TBC1D2B: variants seen among roughly 807,000 people sequenced by gnomAD.
TBC1D2B encodes TBC1 domain family member 2B.
TBC1D2B carries 64 observed loss-of-function variants against 100.8 expected under a neutral mutation model. The ratio of observed to expected loss-of-function variants is 0.64; its 90% CI spans 0.52 to 0.78. The LOEUF (loss-of-function observed/expected upper bound fraction) is 0.78, where lower values mean the gene tolerates loss of function less well. Among genes scored for constraint, TBC1D2B ranks in the 30% least tolerant of loss-of-function variants. The pLI is 0.00. For synonymous variants in TBC1D2B, 480 were observed against 479.7 expected, an observed-to-expected ratio of 1.00 and a Z score of -0.01; for missense variants, 1,052 against 1,218.4, an observed-to-expected ratio of 0.86 and a Z score of 2.03.
At chr15:78,029,688 G>A (rs1265742256) in intron 4 of TBC1D2B, among the ~76,000 whole-genome samples, 1 of 152,174 alleles carries the variant, frequency 6.6e-6, no homozygotes, top group Non-Finnish European at 1.5e-5. Context: ...CAGAATTCAT[G>A]AGACTATATT....
intron 3 of TBC1D2B, among the ~76,000 whole-genome samples, chr15:78,042,548 T>C (rs926649538): frequency 4.6e-5 from 7 of 152,134 alleles, no homozygotes; most frequent in Admixed American, 2.6e-4. Flanking sequence ...GCCCAATACT[T>C]TGAAACAGAG....
chr15:78,000,933 C>T (rs2071896264), intron 12 of TBC1D2B, among the ~76,000 whole-genome samples: 1 of 152,244 alleles, frequency 6.6e-6, no homozygotes, highest in Non-Finnish European at 1.5e-5. Flanking sequence ...TAACAGCCAC[C>T]AGTCCTGCCC....
At chr15:78,036,250 T>A (rs2072943392) in intron 3 of TBC1D2B, among the ~76,000 whole-genome samples, 1 of 152,222 alleles carries the variant, frequency 6.6e-6, no homozygotes, top group Admixed American at 6.5e-5. Context: ...TTTCTTTTTA[T>A]ACGCATGCAC....
chr15:77,998,562 C>T (rs1221088884), intron 12 of TBC1D2B: 1 of 526,404 alleles, frequency 1.9e-6, no homozygotes, highest in African/African-American at 1.9e-5. Flanking sequence ...AGAATGACGA[C>T]CTGGACTCCA....
At chr15:78,034,202 A>G (rs1262740146) in intron 3 of TBC1D2B, among the ~76,000 whole-genome samples, 1 of 152,254 alleles carries the variant, frequency 6.6e-6, no homozygotes, top group African/African-American at 2.4e-5. Flanking sequence ...AAGATACTGT[A>G]TAAAGTCTGA....
intron 4 of TBC1D2B, 47 bp downstream of exon 4, chr15:78,029,960 C>A: frequency 6.6e-7 from 1 of 1,503,822 alleles, no homozygotes; most frequent in African/African-American, 1.4e-5. Flanking sequence ...TGGTGGTTAA[C>A]AGATGGCAGT....
At chr15:78,002,810 C>T (rs1430877799) in intron 11 of TBC1D2B, 1 of 155,412 alleles carries the variant, frequency 6.4e-6, no homozygotes, top group Non-Finnish European at 1.4e-5. Context: ...ATTACAAACA[C>T]CTGTTTATAC....
Position 78,009,106 on chromosome 15 carries a change from G to A in TBC1D2B, c.2279C>T (p.Ala760Val). Residue 760 changes from alanine (A) to valine (V), a missense_variant, in exon 10 of 13, where the codon GCA (alanine) becomes GTA (valine). By Grantham distance (64) the Ala-to-Val change is moderately conservative. This residue lies in a region of TBC1D2B where 373 missense variants were observed against 464.9 expected (regional missense o/e 0.80). Coordinates refer to ENST00000300584, the MANE Select transcript of TBC1D2B (RefSeq NM_144572.2). ...GYCQGLNRLV[A>V]VALLYLEQED... is the part of the protein sequence containing the mutation. Reference sequence around the variant, plus strand: ...TTGTTCCAGGTACAGGAGGGCCACTGCCACCAACCTACAAGCAAAGGGAGG... The same window carrying A: ...TTGTTCCAGGTACAGGAGGGCCACTACCACCAACCTACAAGCAAAGGGAGG... 6.3e-7 allele frequency: 1 copy of A among 1,597,924 alleles called. No individual in the cohort carries two copies. Among genetic ancestry groups the A allele is most frequent in the Non-Finnish European group, 8.5e-7 (1 of 1,171,500 alleles).
At chr15:78,025,207 C>G (rs988548534) in intron 5 of TBC1D2B, 52 bp downstream of exon 5, 1 of 1,518,382 alleles carries the variant, frequency 6.6e-7, no homozygotes. Flanking sequence ...TTACTCCTCC[C>G]GTCCTTGGCC....
At chr15:78,077,147 G>C in intron 1 of TBC1D2B, 146 bp downstream of exon 1, 2 of 1,124,910 alleles carry the variant, frequency 1.8e-6, no homozygotes, top group Non-Finnish European at 2.4e-6. Flanking sequence ...GAACGAGGGC[G>C]GGATGTGGAG....
In TBC1D2B at chr15:78,048,576, G is replaced by A. The variant is rs1401601514; in HGVS notation, c.515-3508C>T. ...CTGTCTTTTTTAAACATTTTCAAATGCCTAAATGAAAACTCTGAGGGAGTT... is the reference window on the plus strand; with the variant it reads ...CTGTCTTTTTTAAACATTTTCAAATACCTAAATGAAAACTCTGAGGGAGTT... On this transcript the variant is annotated intron_variant, in intron 2 of 12. Transcript: ENST00000300584. Among the ~76,000 whole-genome samples the A allele has an allele frequency of 2.6e-5, 4 of 152,200 alleles. No individual in the cohort carries two copies. The East Asian group carries it at 5.8e-4, about 22-fold the overall frequency.
chr15:78,054,058 C>G lies in TBC1D2B; in HGVS notation c.490G>C (p.Gly164Arg), dbSNP rs962601896. The G allele has an allele frequency of 3.7e-6, 6 of 1,613,448 alleles. No individual in the cohort carries two copies. The African/African-American group carries it at 6.7e-5, about 18-fold the overall frequency. Reference protein sequence around the residue: ...TSPTPGDFPKGLVARDNTDLI... With the variant: ...TSPTPGDFPKRLVARDNTDLI... The stretch of plus-strand genomic sequence containing the variant: ...CCAGTGTTATCTCTGGCTACAAGAC[C>G]CTTAGGAAAATCCCCGGGAGTTGGA... Residue 164 changes from glycine to arginine, a missense_variant, in exon 2 of 13, where the codon GGT becomes CGT. Physicochemically the swap from Gly to Arg is moderately radical, Grantham distance 125 (BLOSUM62 -2). This residue lies in a region of TBC1D2B where 627 missense variants were observed against 646.1 expected (regional missense o/e 0.97). Coordinates refer to ENST00000300584, the MANE Select transcript of TBC1D2B (RefSeq NM_144572.2).
intron 8 of TBC1D2B, among the ~76,000 whole-genome samples, chr15:78,016,147 C>T (rs142340186): frequency 1.3e-5 from 2 of 152,054 alleles, no homozygotes; most frequent in Non-Finnish European, 2.9e-5. Context: ...AGTGCTTTCC[C>T]CAAAAATATA....
chr15:78,001,899 CT>C lies in TBC1D2B; in HGVS notation c.2575-160del. 5.4e-6 allele frequency: 4 copies of C among 737,438 alleles called. No homozygotes were observed. The South Asian group carries it at 8.6e-5, about 16-fold the overall frequency. 45.7% of individuals were successfully genotyped at this position (737,438 alleles called of 1,614,324 possible). A position where few individuals can be genotyped will look rare whatever the true frequency, so the allele number is the denominator to read the frequency against. Reference sequence around the variant, plus strand: ...CTATTGACCTGAGGGGCAATTTTCACTGGCTAGGCCAAGACTCCTTTATTAC... The same window carrying C: ...CTATTGACCTGAGGGGCAATTTTCACGGCTAGGCCAAGACTCCTTTATTAC... On this transcript the variant is annotated intron_variant, in intron 11 of 12. Transcript: ENST00000300584.
intron 1 of TBC1D2B, among the ~76,000 whole-genome samples, chr15:78,066,992 C>T (rs2073668728): frequency 6.6e-6 from 1 of 152,184 alleles, no homozygotes; most frequent in Non-Finnish European, 1.5e-5. Context: ...TGCCCCAACA[C>T]AAAATGGTTA....
intron 3 of TBC1D2B, chr15:78,034,845 T>A: frequency 1.9e-6 from 1 of 528,562 alleles, no homozygotes; most frequent in Non-Finnish European, 2.4e-6. Context: ...AACCCAATTC[T>A]AGGACTGTGC....
intron 3 of TBC1D2B, among the ~76,000 whole-genome samples, chr15:78,040,849 A>AG: frequency 7.4e-6 from 1 of 135,640 alleles, no homozygotes; most frequent in African/African-American, 2.9e-5. Context: ...AAAGAAAGAA[A>AG]GAAAGGAAGA....
chr15:78,016,551 A>G lies in TBC1D2B; in HGVS notation c.1770T>C (p.Leu590=), dbSNP rs777518243. Reference sequence around the variant, plus strand: ...ACAGTCACTAGCACATTTACCTGACAAGATGAGGTTTAACAAATGCTTGCT... The same window carrying G: ...ACAGTCACTAGCACATTTACCTGACGAGATGAGGTTTAACAAATGCTTGCT... ...QPEQAFVKPH[L]VSEYDIYGFR... Residue 590 remains leucine (L), a synonymous_variant, in exon 8 of 13, where the codon CTT becomes CTC. Transcript: ENST00000300584. 77 of 1,612,002 alleles carry G rather than the reference A, an allele frequency of 4.8e-5. No homozygotes were observed. The highest frequency in any genetic ancestry group is 6.4e-5 in the Non-Finnish European group (76 of 1,179,566).
Position 78,022,112 on chromosome 15 carries a change from G to A in TBC1D2B, c.1470+2044C>T, listed in dbSNP as rs537251290. ...GCAATGGCTCATGCCTGTAATCTCA[G>A]CATTCTGAGGCCAAGGCAGGCAGAT... On this transcript the variant is annotated intron_variant, in intron 6 of 12. Coordinates refer to ENST00000300584, the MANE Select transcript of TBC1D2B (RefSeq NM_144572.2). 5.2e-4 allele frequency among the ~76,000 whole-genome samples: 79 copies of A among 152,326 alleles called. 1 individual carries two copies. Among genetic ancestry groups the A allele is most frequent in the African/African-American group, 1.8e-3 (75 of 41,560 alleles).
Sources: gnomAD v4.1 joint callset for allele counts (sites outside exome capture counted in the v4.1 genomes callset) on GRCh38, gnomAD v4.1.1 for gene constraint, gnomAD v4.1.1 regional missense constraint, MANE v1.5 for transcripts, NCBI Gene and HGNC (gene_info 2026-07-23, HGNC 2026-07-21) for gene names.